The following CRY1 variants were observed in gnomAD, a reference collection of about 807,000 sequenced individuals.
The protein encoded by CRY1 is cryptochrome circadian regulator 1.
Under a neutral mutation model 76.0 loss-of-function variants are expected in CRY1, and 45 were observed. The observed-to-expected ratio is 0.59, with a 90% confidence interval of 0.47 to 0.76. The LOEUF is 0.76. Ranked by LOEUF, CRY1 falls within the 30% of genes least tolerant of loss-of-function variation. The probability of loss-of-function intolerance (pLI) is 0.00; values close to 1 mark genes in which losing one functional copy is unlikely to be tolerated. For synonymous variants in CRY1, 248 were observed against 244.0 expected (o/e 1.02, Z -0.15); for missense variants, 587 against 716.4 (o/e 0.82, Z 2.06).
At chr12:107,075,470 T>A (rs988804631) in intron 1 of CRY1, among the ~76,000 whole-genome samples, 1 of 152,162 alleles carries the variant, frequency 6.6e-6, no homozygotes, top group Admixed American at 6.5e-5. Flanking sequence ...AGGAATTCTG[T>A]ATTCAAGTTT....
rs147260516 is a variant in CRY1, at chr12:106,994,744, C to A, written c.1586-1708G>T. Among the ~76,000 whole-genome samples the A allele has an allele frequency of 9.2e-5, 14 of 152,312 alleles. No homozygotes were observed. The East Asian group carries it at 2.7e-3, about 29-fold the overall frequency. The stretch of plus-strand genomic sequence containing the variant: ...AGTCTGTGCCATCATTGTGTATTAG[C>A]CCAACCCTTGGTTCCTAGCCCATTG... On this transcript the variant is annotated intron_variant, in intron 10 of 12. Transcript: ENST00000008527.
At chr12:107,001,208 A>G in intron 5 of CRY1, 72 bp downstream of exon 5, 1 of 1,135,258 alleles carries the variant, frequency 8.8e-7, no homozygotes, top group Non-Finnish European at 1.3e-6. Context: ...TTATTTTTAA[A>G]AGAGAGAAAA....
intron 1 of CRY1, among the ~76,000 whole-genome samples, chr12:107,031,974 G>A (rs1424478831): frequency 4.6e-5 from 7 of 151,958 alleles, no homozygotes; most frequent in East Asian, 1.9e-4. Flanking sequence ...CGCTCTTGTC[G>A]CCCAGGATAG....
intron 1 of CRY1, among the ~76,000 whole-genome samples, chr12:107,036,872 G>A (rs1437464753): frequency 6.6e-6 from 1 of 151,942 alleles, no homozygotes; most frequent in Non-Finnish European, 1.5e-5. Context: ...CTGAAGTGAG[G>A]CTCTCTCTGA....
At chr12:107,006,341 C>A (rs917524603) in intron 2 of CRY1, among the ~76,000 whole-genome samples, 1 of 151,706 alleles carries the variant, frequency 6.6e-6, no homozygotes, top group Non-Finnish European at 1.5e-5. Flanking sequence ...TGCCACTGCA[C>A]TCCAGACTGA....
At chr12:107,068,905 C>T (rs1458104051) in intron 1 of CRY1, among the ~76,000 whole-genome samples, 1 of 152,116 alleles carries the variant, frequency 6.6e-6, no homozygotes, top group African/African-American at 2.4e-5. Context: ...GTTGTAGTAT[C>T]TCATTTCTTT....
rs991302248 is a variant in CRY1, at chr12:107,073,259, G to A, written c.158+19545C>T. Among the ~76,000 whole-genome samples, 4 of 149,968 alleles carry A rather than the reference G, an allele frequency of 2.7e-5. No homozygotes were observed. In the South Asian group the frequency reaches 8.4e-4, roughly 32 times the overall value. Reference sequence around the variant, plus strand: ...TCTCTCTCTCTTTTTTTTTTGAGACGAAGTGTCACTTTGTCACCCAGGCTG... The same window carrying A: ...TCTCTCTCTCTTTTTTTTTTGAGACAAAGTGTCACTTTGTCACCCAGGCTG... On this transcript the variant is annotated intron_variant, in intron 1 of 12. Coordinates refer to ENST00000008527, the MANE Select transcript of CRY1 (RefSeq NM_004075.5).
chr12:107,074,483 A>G (rs11113181), intron 1 of CRY1, among the ~76,000 whole-genome samples: 20,713 of 152,218 alleles, frequency 0.14, 1,783 homozygotes, highest in East Asian at 0.28. Flanking sequence ...ACCAGAGTCA[A>G]TAGAATTCTC....
intron 1 of CRY1, among the ~76,000 whole-genome samples, chr12:107,079,426 CA>C (rs57860737): frequency 0.14 from 20,926 of 152,128 alleles, 2,558 homozygotes; most frequent in African/African-American, 0.32. Context: ...ATCCTGGTAA[CA>C]TCTTCTGAGT....
chr12:107,023,765 C>G (rs780656236), intron 1 of CRY1, among the ~76,000 whole-genome samples: 2 of 152,190 alleles, frequency 1.3e-5, no homozygotes, highest in Non-Finnish European at 2.9e-5. Context: ...TATTTTATCA[C>G]ATCCCTTTTC....
intron 2 of CRY1, among the ~76,000 whole-genome samples, chr12:107,005,880 A>G (rs1411601871): frequency 2.0e-5 from 3 of 152,162 alleles, no homozygotes; most frequent in African/African-American, 7.2e-5. Flanking sequence ...AGTTCTGTAC[A>G]TCTCCTTATA....
intron 1 of CRY1, among the ~76,000 whole-genome samples, chr12:107,079,257 G>T (rs1018547584): frequency 1.3e-5 from 2 of 152,138 alleles, no homozygotes; most frequent in African/African-American, 4.8e-5. Context: ...AAGAGCCAAT[G>T]AAGTGCCATA....
chr12:107,039,991 C>T (rs531286325), intron 1 of CRY1, among the ~76,000 whole-genome samples: 1 of 152,126 alleles, frequency 6.6e-6, no homozygotes, highest in Non-Finnish European at 1.5e-5. Context: ...ATATAAAATA[C>T]ACACACAATG....
At chr12:107,050,860 AAGGAGG>A (rs1391929179) in intron 1 of CRY1, among the ~76,000 whole-genome samples, 1 of 152,006 alleles carries the variant, frequency 6.6e-6, no homozygotes, top group Non-Finnish European at 1.5e-5. Context: ...ATTATGAAAG[AAGGAGG>A]GGGCAGCATG....
intron 1 of CRY1, among the ~76,000 whole-genome samples, chr12:107,092,337 A>G (rs1361368427): frequency 2.6e-5 from 4 of 152,230 alleles, no homozygotes; most frequent in African/African-American, 9.6e-5. Flanking sequence ...TTCCCACAGT[A>G]ACCTCAAGGT....
At chr12:107,046,282 G>C (rs1952848436) in intron 1 of CRY1, among the ~76,000 whole-genome samples, 7 of 126,002 alleles carry the variant, frequency 5.6e-5, no homozygotes, top group Admixed American at 4.4e-4. Context: ...GACAGAGTGA[G>C]ACTTTGCCTC....
chr12:107,009,361 A>G (rs1952412340), intron 2 of CRY1, among the ~76,000 whole-genome samples: 1 of 151,652 alleles, frequency 6.6e-6, no homozygotes, highest in South Asian at 2.1e-4. Context: ...CAACATGGTG[A>G]AACCCCGTCT....
At chr12:107,072,517 G>A (rs1593538826) in intron 1 of CRY1, among the ~76,000 whole-genome samples, 1 of 152,122 alleles carries the variant, frequency 6.6e-6, no homozygotes, top group Non-Finnish European at 1.5e-5. Context: ...TCTAGCAAAG[G>A]TTTATGGAAC....
intron 1 of CRY1, among the ~76,000 whole-genome samples, chr12:107,091,713 T>TC (rs1409824562): frequency 6.6e-6 from 1 of 152,208 alleles, no homozygotes; most frequent in Non-Finnish European, 1.5e-5. Flanking sequence ...CTACTATTTT[T>TC]CCCTCACTTA....
Sources: allele counts gnomAD v4.1 joint callset (sites outside exome capture counted in the v4.1 genomes callset), GRCh38; gene constraint gnomAD v4.1.1; transcripts MANE v1.5; gene names NCBI Gene and HGNC (gene_info 2026-07-23, HGNC 2026-07-21).